The following RASA1 variants were observed in gnomAD, a reference collection of about 807,000 sequenced individuals.
The protein encoded by RASA1 is ras GTPase-activating protein 1.
RASA1 carries 25 observed loss-of-function variants against 132.2 expected under a neutral mutation model. The observed-to-expected ratio is 0.19, with a 90% CI of 0.14 to 0.26. The LOEUF (loss-of-function observed/expected upper bound fraction) is 0.26. RASA1 is among the 10% of genes least tolerant of loss of function. The pLI is 1.00. For synonymous variants in RASA1, 477 were observed against 449.9 expected, an observed-to-expected ratio of 1.06 and a Z score of -0.76; for missense variants, 964 against 1,299.2, an observed-to-expected ratio of 0.74 and a Z score of 3.97.
chr5:87,297,628 C>T (rs139131873), intron 1 of RASA1, among the ~76,000 whole-genome samples: 42 of 152,326 alleles, frequency 2.8e-4, no homozygotes, highest in African/African-American at 7.2e-4. Flanking sequence ...AGGTTAGGCT[C>T]TGGTAAATTA....
chr5:87,391,784 T>A lies in RASA1; in HGVS notation c.*901T>A. On this transcript the variant is annotated 3_prime_UTR_variant, in exon 25 of 25. Transcript: ENST00000274376. Reference sequence around the variant, plus strand: ...TCATCAGCTGCCTAACTTATCCATCTTTGAACTTCTGACTACTTGTTGTAT... The same window carrying A: ...TCATCAGCTGCCTAACTTATCCATCATTGAACTTCTGACTACTTGTTGTAT... 1 of 231,862 alleles carries A rather than the reference T, an allele frequency of 4.3e-6. No individual in the cohort carries two copies. The highest frequency in any genetic ancestry group is 6.2e-5 in the East Asian group (1 of 16,218). 14.4% of individuals were successfully genotyped at this position (231,862 alleles called of 1,614,324 possible).
intron 12 of RASA1, among the ~76,000 whole-genome samples, chr5:87,371,571 A>G (rs1057349531): frequency 1.3e-5 from 2 of 152,152 alleles, no homozygotes; most frequent in African/African-American, 4.8e-5. Flanking sequence ...TTAAAATCTA[A>G]TGTTATATTT....
At chr5:87,288,421 A>T (rs1754773015) in intron 1 of RASA1, among the ~76,000 whole-genome samples, 1 of 152,104 alleles carries the variant, frequency 6.6e-6, no homozygotes, top group African/African-American at 2.4e-5. Flanking sequence ...CAGAGAATTA[A>T]ACCACACGAA....
At chr5:87,275,663 C>T (rs897927807) in intron 1 of RASA1, among the ~76,000 whole-genome samples, 11 of 152,060 alleles carry the variant, frequency 7.2e-5, no homozygotes, top group African/African-American at 1.9e-4. Flanking sequence ...CTCCGCCTTC[C>T]GGGTTCAAGC....
rs1452635393 is a variant in RASA1, at chr5:87,268,768, C to T, written c.317C>T (p.Ala106Val). The T allele has an allele frequency of 1.2e-6, 2 of 1,613,898 alleles. No homozygotes were observed. The highest frequency in any genetic ancestry group is 1.1e-5 in the South Asian group (1 of 91,072). ...GCTGCTGCTGGCGTGGCCGGTGCTG[C>T]TGTTGCTGGACCTAGTGGAGACATG... Reference protein sequence around the residue: ...AGAAAGVAGAAVAGPSGDMAL... With the variant: ...AGAAAGVAGAVVAGPSGDMAL... Residue 106 changes from alanine to valine, a missense_variant, in exon 1 of 25, where the codon GCT (alanine) becomes GTT (valine). Physicochemically the swap from Ala to Val is moderately conservative, Grantham distance 64 (BLOSUM62 0). This residue lies in a region of RASA1 where 326 missense variants were observed against 275.8 expected (regional missense o/e 1.18). Coordinates refer to ENST00000274376, the MANE Select transcript of RASA1 (RefSeq NM_002890.3).
rs1760798975 is a variant in RASA1, at chr5:87,369,818, A to G, written c.1616A>G (p.Asn539Ser). ...TTTTTGTTTTTATTTTAAAGGCCAA[A>G]CTGTTTTCAGATAGTAGTTCAGCAC... ...VVHDSLFGRPNCFQIVVQHFS... is the reference protein window; with the variant it reads ...VVHDSLFGRPSCFQIVVQHFS... The change falls in exon 12 of 25, where the codon AAC (asparagine) becomes AGC (serine). Residue 539 changes from asparagine (N) to serine (S), a missense_variant. Coordinates refer to ENST00000274376, the MANE Select transcript of RASA1 (RefSeq NM_002890.3). The G allele has an allele frequency of 6.2e-7, 1 of 1,610,550 alleles. No homozygotes were observed. Among genetic ancestry groups the G allele is most frequent in the African/African-American group, 1.3e-5 (1 of 74,822 alleles).
chr5:87,363,769 C>G (rs182211195), intron 11 of RASA1, among the ~76,000 whole-genome samples: 21 of 152,136 alleles, frequency 1.4e-4, no homozygotes, highest in Admixed American at 5.9e-4. Context: ...TTTTGAGTGA[C>G]TTACTTTGAG....
At position 87,314,752 on chromosome 5, in the gene RASA1, G is replaced by T. The variant is rs544115877; in HGVS notation, c.540-16596G>T. Among the ~76,000 whole-genome samples, 5 of 152,170 alleles carry T rather than the reference G, an allele frequency of 3.3e-5. No individual in the cohort carries two copies. In the South Asian group the frequency reaches 6.2e-4, roughly 19 times the overall value. On this transcript the variant is annotated intron_variant, in intron 1 of 24. Transcript: ENST00000274376. ...GATGATGGTCATTTAAAAAAAAAAA[G>T]TGTTGAGTTTTAGTTGTTAGTTGAG...
chr5:87,378,436 C>A lies in RASA1; in HGVS notation c.2385C>A (p.Ser795Arg). The A allele has an allele frequency of 6.2e-7, 1 of 1,612,802 alleles. No homozygotes were observed. The highest frequency in any genetic ancestry group is 8.5e-7 in the Non-Finnish European group (1 of 1,178,936). ...TATTTCGAGCCACAACACTTGCAAG[C>A]ACCTTGATGGAGCAGTATATGAAAG... ...TTLFRATTLA[S>R]TLMEQYMKAT... Residue 795 changes from serine to arginine, a missense_variant, in exon 18 of 25, where the codon AGC becomes AGA. By Grantham distance (110) the Ser-to-Arg change is moderately radical (BLOSUM62 -1). Transcript: ENST00000274376.
At chr5:87,330,826 G>T in intron 1 of RASA1, 1 of 558,818 alleles carries the variant, frequency 1.8e-6, no homozygotes, top group African/African-American at 2.0e-5. Flanking sequence ...GGATTAATCA[G>T]CTTCACGTTC....
intron 1 of RASA1, among the ~76,000 whole-genome samples, chr5:87,315,118 A>G (rs1756227160): frequency 6.6e-6 from 1 of 152,270 alleles, no homozygotes; most frequent in Non-Finnish European, 1.5e-5. Context: ...ATAAAGAAGT[A>G]CAGAATTACA....
At chr5:87,272,010 G>C (rs1215396470) in intron 1 of RASA1, among the ~76,000 whole-genome samples, 1 of 151,804 alleles carries the variant, frequency 6.6e-6, no homozygotes, top group Non-Finnish European at 1.5e-5. Flanking sequence ...AAATCAGCCG[G>C]TCGTGTTGGC....
At chr5:87,270,646 CTTTTTTTT>C (rs70996415) in intron 1 of RASA1, among the ~76,000 whole-genome samples, 18 of 71,776 alleles carry the variant, frequency 2.5e-4, no homozygotes, top group African/African-American at 7.7e-4. Flanking sequence ...GGTGCCCGGC[CTTTTTTTT>C]TTTTTTTTTT....
chr5:87,313,164 T>C (rs1255965522), intron 1 of RASA1, among the ~76,000 whole-genome samples: 1 of 152,240 alleles, frequency 6.6e-6, no homozygotes, highest in Non-Finnish European at 1.5e-5. Flanking sequence ...CTCACATTTC[T>C]ATCTCAGTTT....
rs1249353397 is a variant in RASA1, at chr5:87,377,110, C to CT, written c.2344+71dup. 4.0e-6 allele frequency: 6 copies of CT among 1,506,304 alleles called. No homozygotes were observed. In the East Asian group the frequency reaches 9.1e-5, roughly 23 times the overall value. 93.3% of individuals were successfully genotyped at this position (1,506,304 alleles called of 1,614,324 possible). ...ATTTTATATCAAGGATATATGGACTCTATCTCTGAATATACTAAATTGTTA... is the reference window on the plus strand; with the variant it reads ...ATTTTATATCAAGGATATATGGACTCTTATCTCTGAATATACTAAATTGTTA... On this transcript the variant is annotated intron_variant, in intron 17 of 24. Transcript: ENST00000274376.
intron 4 of RASA1, among the ~76,000 whole-genome samples, chr5:87,335,322 T>A (rs1757884418): frequency 6.6e-6 from 1 of 152,020 alleles, no homozygotes; most frequent in Admixed American, 6.6e-5. Context: ...TGAGTAAAAA[T>A]TTGAATTTTA....
chr5:87,273,657 T>C (rs922095227), intron 1 of RASA1, among the ~76,000 whole-genome samples: 5 of 152,046 alleles, frequency 3.3e-5, no homozygotes, highest in Non-Finnish European at 7.4e-5. Context: ...TATTTGATAA[T>C]TGTCACCATT....
At chr5:87,286,785 C>T (rs1438291326) in intron 1 of RASA1, among the ~76,000 whole-genome samples, 1 of 150,622 alleles carries the variant, frequency 6.6e-6, no homozygotes. Flanking sequence ...CACCTGTGAC[C>T]CAGTATACAC....
intron 2 of RASA1, among the ~76,000 whole-genome samples, chr5:87,332,206 T>C (rs934476231): frequency 1.3e-5 from 2 of 151,956 alleles, no homozygotes; most frequent in African/African-American, 4.8e-5. Flanking sequence ...AATTCAGCCT[T>C]AAATATGGAA....
Sources: gnomAD v4.1 joint callset for allele counts (sites outside exome capture counted in the v4.1 genomes callset) on GRCh38, gnomAD v4.1.1 for gene constraint, gnomAD v4.1.1 regional missense constraint, MANE v1.5 for transcripts, NCBI Gene and HGNC (gene_info 2026-07-23, HGNC 2026-07-21) for gene names.